TMEM178B: variants seen among roughly 807,000 people sequenced by gnomAD.
TMEM178B encodes transmembrane protein 178B.
Under a neutral mutation model 31.0 loss-of-function variants are expected in TMEM178B, and 5 were observed. The observed-to-expected ratio is 0.16, with a 90% CI of 0.08 to 0.34. The LOEUF is 0.34. Among genes scored for constraint, TMEM178B ranks in the 10% least tolerant of loss-of-function variants. The pLI, the probability that TMEM178B is intolerant of heterozygous loss-of-function variation, is 1.00. For missense variants in TMEM178B, 275 were observed against 400.3 expected (o/e 0.69, Z 2.67); for synonymous variants, 164 against 164.0 (o/e 1.00, Z 0.00).
chr7:141,306,461 C>T (rs66498726), intron 2 of TMEM178B, among the ~76,000 whole-genome samples: 4 of 151,966 alleles, frequency 2.6e-5, no homozygotes, highest in South Asian at 2.1e-4. Context: ...AAAAGGTGTC[C>T]GCTTTCTGAG....
intron 2 of TMEM178B, among the ~76,000 whole-genome samples, chr7:141,332,285 C>T (rs1383399487): frequency 6.6e-6 from 1 of 152,122 alleles, no homozygotes; most frequent in African/African-American, 2.4e-5. Context: ...ATTATATTGC[C>T]AGAAAATTAG....
chr7:141,115,432 C>T (rs897669138), intron 1 of TMEM178B, among the ~76,000 whole-genome samples: 6 of 151,830 alleles, frequency 4.0e-5, no homozygotes, highest in Admixed American at 3.9e-4. Flanking sequence ...CCGGGTGGGG[C>T]CTAGGGGTGT....
chr7:141,234,079 G>A (rs1797489619), intron 2 of TMEM178B, among the ~76,000 whole-genome samples: 1 of 152,234 alleles, frequency 6.6e-6, no homozygotes, highest in East Asian at 1.9e-4. Context: ...TGCACTGGGA[G>A]AAGGTGACTA....
At chr7:141,381,708 G>T (rs1800318503) in intron 2 of TMEM178B, among the ~76,000 whole-genome samples, 2 of 152,200 alleles carry the variant, frequency 1.3e-5, no homozygotes, top group Non-Finnish European at 2.9e-5. Context: ...ATTAGGGCTG[G>T]TTGGCAAGGA....
chr7:141,138,785 A>G (rs919482187), intron 1 of TMEM178B, among the ~76,000 whole-genome samples: 5 of 151,838 alleles, frequency 3.3e-5, no homozygotes, highest in Non-Finnish European at 5.9e-5. Flanking sequence ...GACCGAGACC[A>G]TCCTGGCTAA....
chr7:141,360,628 C>A (rs1799900740), intron 2 of TMEM178B, among the ~76,000 whole-genome samples: 1 of 152,170 alleles, frequency 6.6e-6, no homozygotes, highest in African/African-American at 2.4e-5. Context: ...GTTTCTTTGC[C>A]CTCACTAACT....
intron 3 of TMEM178B, among the ~76,000 whole-genome samples, chr7:141,454,443 G>T (rs1043273025): frequency 1.3e-5 from 2 of 152,158 alleles, no homozygotes; most frequent in African/African-American, 4.8e-5. Context: ...CCCTCCCCTT[G>T]CTCACGTCTC....
At chr7:141,434,695 C>G (rs772871286) in intron 2 of TMEM178B, among the ~76,000 whole-genome samples, 1 of 152,076 alleles carries the variant, frequency 6.6e-6, no homozygotes, top group Non-Finnish European at 1.5e-5. Flanking sequence ...CTGTAGTTAC[C>G]CTACTCTGCT....
the TMEM178B span, among the ~76,000 whole-genome samples, chr7:141,496,216 G>A: frequency 6.6e-6 from 1 of 152,116 alleles, no homozygotes; most frequent in African/African-American, 2.4e-5. Context: ...TTATAGTTGG[G>A]ACACAGTGTC....
intron 2 of TMEM178B, among the ~76,000 whole-genome samples, chr7:141,215,337 A>ATTATTATTATTATTTTTTTT (rs55726735): frequency 9.2e-4 from 130 of 141,550 alleles, no homozygotes; most frequent in Admixed American, 1.4e-3. Context: ...TATTATTATT[A>ATTATTATTATTATTTTTTTT]TTTTTTGAGA....
chr7:141,369,139 T>C (rs116980532), intron 2 of TMEM178B, among the ~76,000 whole-genome samples: 1 of 152,322 alleles, frequency 6.6e-6, no homozygotes, highest in Non-Finnish European at 1.5e-5. Context: ...GTTCCTCTGG[T>C]ATTTCTTTCC....
intron 2 of TMEM178B, among the ~76,000 whole-genome samples, chr7:141,320,404 G>T (rs1444753990): frequency 6.6e-6 from 1 of 152,072 alleles, no homozygotes; most frequent in East Asian, 1.9e-4. Context: ...TATTTGAGCT[G>T]GAAAAGTTGA....
chr7:141,148,000 A>G (rs1333524306), intron 1 of TMEM178B, among the ~76,000 whole-genome samples: 2 of 152,212 alleles, frequency 1.3e-5, no homozygotes, highest in Non-Finnish European at 2.9e-5. Flanking sequence ...AAACAGCACA[A>G]ATTTATTATC....
intron 2 of TMEM178B, among the ~76,000 whole-genome samples, chr7:141,348,071 T>C (rs1168988912): frequency 6.6e-6 from 1 of 152,244 alleles, no homozygotes; most frequent in African/African-American, 2.4e-5. Flanking sequence ...TGCTTACATA[T>C]GCTTTTGTGT....
At chr7:141,081,188 A>G (rs801159) in intron 1 of TMEM178B, among the ~76,000 whole-genome samples, 130,619 of 152,174 alleles carry the variant, frequency 0.86, 56,461 homozygotes, top group East Asian at 0.91. Context: ...AGTGGGCTAA[A>G]ATGTGGAGGT....
chr7:141,418,287 C>G (rs1801136790), intron 2 of TMEM178B, among the ~76,000 whole-genome samples: 1 of 152,116 alleles, frequency 6.6e-6, no homozygotes, highest in Non-Finnish European at 1.5e-5. Context: ...CTTTCACTTC[C>G]TTACCTCCCA....
the TMEM178B span, among the ~76,000 whole-genome samples, chr7:141,492,567 G>A: frequency 6.6e-6 from 1 of 152,170 alleles, no homozygotes; most frequent in South Asian, 2.1e-4. Context: ...GCACCTACTA[G>A]GAACCACGTA....
chr7:141,100,968 C>T (rs369517290), intron 1 of TMEM178B, among the ~76,000 whole-genome samples: 85 of 152,226 alleles, frequency 5.6e-4, no homozygotes, highest in African/African-American at 1.4e-3. Flanking sequence ...AAACAGATGC[C>T]GTCAAAGAAT....
chr7:141,250,438 T>C lies in TMEM178B; in HGVS notation c.496+37734T>C, dbSNP rs551128810. Among the ~76,000 whole-genome samples, 84 of 152,332 alleles carry C rather than the reference T, an allele frequency of 5.5e-4. 1 individual carries two copies. In the South Asian group the frequency reaches 0.017, roughly 31 times the overall value. On this transcript the variant is annotated intron_variant, in intron 2 of 3. Coordinates refer to ENST00000565468, the MANE Select transcript of TMEM178B (RefSeq NM_001195278.2). ...GGCAGTCTGGCTCCAGCATCAGTGC[T>C]CATTTCCACTACAATATGTCCTCTC...
Sources: allele counts gnomAD v4.1 joint callset (sites outside exome capture counted in the v4.1 genomes callset), GRCh38; gene constraint gnomAD v4.1.1; transcripts MANE v1.5; gene names NCBI Gene and HGNC (gene_info 2026-07-23, HGNC 2026-07-21).